The following AGO3 variants were observed in gnomAD, a reference collection of about 807,000 sequenced individuals.
AGO3 encodes argonaute RISC catalytic component 3.
Under a neutral mutation model 105.5 loss-of-function variants are expected in AGO3, and 16 were observed. The observed-to-expected ratio is 0.15, with a 90% CI of 0.10 to 0.23. The LOEUF (loss-of-function observed/expected upper bound fraction) is 0.23. Ranked by LOEUF, AGO3 falls within the 10% of genes least tolerant of loss-of-function variation. The probability of loss-of-function intolerance (pLI) is 1.00; values close to 1 mark genes in which losing one functional copy is unlikely to be tolerated. For synonymous variants in AGO3, 340 were observed against 367.3 expected (o/e 0.93, Z 0.85); for missense variants, 534 against 1,088.0 (o/e 0.49, Z 7.16).
Position 35,931,130 on chromosome 1 carries a change from G to C in AGO3, c.-297G>C. The C allele has an allele frequency of 2.5e-6, 1 of 396,618 alleles. No individual in the cohort carries two copies. Among genetic ancestry groups the C allele is most frequent in the Middle Eastern group, 6.4e-4 (1 of 1,574 alleles). The allele number at this position is 396,618 out of a possible 1,614,324, so 24.6% of individuals were successfully genotyped here. On this transcript the variant is annotated 5_prime_UTR_variant, in exon 1 of 19. Coordinates refer to ENST00000373191, the MANE Select transcript of AGO3 (RefSeq NM_024852.4). ...AGGTCGGCGGCGGCGGCCCGCAGTC[G>C]TGGAGGAGCGGTGGGAGCGTCGGCG...
In AGO3 at chr1:36,070,515, A is replaced by G. The variant is rs2148876777; in HGVS notation, c.*14770A>G. ...AGGGCACACCACTGCAGGGAGTGTA[A>G]ACAATTCTTTGTTGCAACAGACAAG... On this transcript the variant is annotated 3_prime_UTR_variant, in exon 19 of 19. Transcript: ENST00000373191. 1.3e-5 allele frequency: 2 copies of G among 152,318 alleles called. No individual in the cohort carries two copies. Among genetic ancestry groups the G allele is most frequent in the Admixed American group, 1.3e-4 (2 of 15,300 alleles). The allele number at this position is 152,318 out of a possible 1,614,324, so 9.4% of individuals were successfully genotyped here. A position where few individuals can be genotyped will look rare whatever the true frequency, so the allele number is the denominator to read the frequency against.
rs1446652494 is a variant in AGO3 at position 36,070,636 on chromosome 1, CT to C, written c.*14893del. 6.6e-6 allele frequency: 1 copy of C among 152,218 alleles called. No individual in the cohort carries two copies. Among genetic ancestry groups the C allele is most frequent in the Non-Finnish European group, 1.5e-5 (1 of 68,040 alleles). The allele number at this position is 152,218 out of a possible 1,614,324, so 9.4% of individuals were successfully genotyped here. A position where few individuals can be genotyped will look rare whatever the true frequency, so the allele number is the denominator to read the frequency against. ...TTATCTCCACAGATGCCAACCTCCC[CT>C]TGTTGCAGGCAGTTGGGCTTTTCCA... is the stretch of plus-strand genomic sequence containing the variant. On this transcript the variant is annotated 3_prime_UTR_variant, in exon 19 of 19. Coordinates refer to ENST00000373191, the MANE Select transcript of AGO3 (RefSeq NM_024852.4).
intron 6 of AGO3, among the ~76,000 whole-genome samples, chr1:36,007,082 A>G (rs1316767632): frequency 6.6e-6 from 1 of 152,232 alleles, no homozygotes; most frequent in African/African-American, 2.4e-5. Flanking sequence ...CTCAATAGAA[A>G]GCAGTAGCAT....
chr1:36,031,458 G>A (rs1641770703), intron 12 of AGO3, among the ~76,000 whole-genome samples: 1 of 148,200 alleles, frequency 6.7e-6, no homozygotes, highest in Non-Finnish European at 1.5e-5. Flanking sequence ...TTATTTGTTT[G>A]AGAAACTCTT....
chr1:35,934,831 T>C (rs1191019305), intron 1 of AGO3, among the ~76,000 whole-genome samples: 2 of 152,134 alleles, frequency 1.3e-5, no homozygotes, highest in East Asian at 3.9e-4. Flanking sequence ...TTTGTATTTT[T>C]AGTAGAGACG....
Position 35,931,310 on chromosome 1 carries a change from C to A in AGO3, c.-117C>A, listed in dbSNP as rs887683047. 93 of 968,558 alleles carry A rather than the reference C, an allele frequency of 9.6e-5. No homozygotes were observed. The African/African-American group carries it at 1.4e-3, about 14-fold the overall frequency. 60.0% of individuals were successfully genotyped at this position (968,558 alleles called of 1,614,324 possible). On this transcript the variant is annotated 5_prime_UTR_variant, in exon 1 of 19. Coordinates refer to ENST00000373191, the MANE Select transcript of AGO3 (RefSeq NM_024852.4). ...GCTCAGGGGAAGCCGTCGCCGCCCC[C>A]GCCTCGGGGCCGAGTGAGAGTGCCC...
At chr1:35,933,668 A>ATC in intron 1 of AGO3, among the ~76,000 whole-genome samples, 1 of 151,068 alleles carries the variant, frequency 6.6e-6, no homozygotes, top group Non-Finnish European at 1.5e-5. Flanking sequence ...AAAAAAAAAA[A>ATC]AAAATCATCA....
chr1:36,019,729 A>G (rs1326184838), intron 11 of AGO3, among the ~76,000 whole-genome samples: 1 of 152,068 alleles, frequency 6.6e-6, no homozygotes, highest in Non-Finnish European at 1.5e-5. Flanking sequence ...TTAGCAATTT[A>G]GAACAGTCAC....
Position 35,960,311 on chromosome 1 carries a change from G to C in AGO3, c.192-6644G>C, listed in dbSNP as rs1646650599. On this transcript the variant is annotated intron_variant, in intron 2 of 18. Transcript: ENST00000373191. ...AAGAAATGAGAATTTACTGTCCCTAGATTTGCCATTTTGTTAGCTTGCATA... is the reference window on the plus strand; with the variant it reads ...AAGAAATGAGAATTTACTGTCCCTACATTTGCCATTTTGTTAGCTTGCATA... Among the ~76,000 whole-genome samples the C allele has an allele frequency of 2.0e-5, 3 of 152,020 alleles. No individual in the cohort carries two copies. In the South Asian group the frequency reaches 6.2e-4, roughly 32 times the overall value.
upstream of AGO3, chr1:35,930,947 G>C (rs1336359653): frequency 9.9e-6 from 3 of 304,066 alleles, no homozygotes; most frequent in Non-Finnish European, 1.8e-5. Context: ...CCCGCCGCAT[G>C]TGGCCCGGCT....
At position 36,008,987 on chromosome 1, in the gene AGO3, G is replaced by A. The variant is rs144067198; in HGVS notation, c.972G>A (p.Pro324=). ...AGTATACTCTTCAGCTGAAGTACCC[G>A]CACCTTCCCTGTCTGCAAGTCGGGC... ...REKYTLQLKY[P]HLPCLQVGQE... is the part of the protein sequence containing the mutation. The change falls in exon 8 of 19, where the codon CCG becomes CCA. Residue 324 remains proline (P), a synonymous_variant. Coordinates refer to ENST00000373191, the MANE Select transcript of AGO3 (RefSeq NM_024852.4). The surrounding 1 kb of genome is among the most constrained non-coding windows in gnomAD (Gnocchi z 5.1). 1,268 of 1,608,532 alleles carry A rather than the reference G, an allele frequency of 7.9e-4. 2 individuals carry two copies. The highest frequency in any genetic ancestry group is 9.7e-4 in the Non-Finnish European group (1,147 of 1,177,664).
In AGO3 at chr1:35,997,633, G is replaced by A. The variant is rs148096174; in HGVS notation, c.659-6708G>A. Among the ~76,000 whole-genome samples the A allele has an allele frequency of 4.5e-4, 68 of 152,258 alleles. No individual in the cohort carries two copies. The East Asian group carries it at 0.012, about 26-fold the overall frequency. On this transcript the variant is annotated intron_variant, in intron 5 of 18. Transcript: ENST00000373191. ...GTATTAAAAGCATTTTCGCCTTAACGATATTTTCAAATTATGATGTGTTTA... is the reference window on the plus strand; with the variant it reads ...GTATTAAAAGCATTTTCGCCTTAACAATATTTTCAAATTATGATGTGTTTA...
At chr1:35,973,819 G>T (rs1480688600) in intron 5 of AGO3, among the ~76,000 whole-genome samples, 1 of 152,092 alleles carries the variant, frequency 6.6e-6, no homozygotes. Flanking sequence ...ATTTTATTAT[G>T]AAATATATAT....
rs905577503 is a variant in AGO3 at position 36,027,416 on chromosome 1, A to T, written c.1591+118A>T. On this transcript the variant is annotated intron_variant, in intron 12 of 18. Coordinates refer to ENST00000373191, the MANE Select transcript of AGO3 (RefSeq NM_024852.4). This position sits in a 1 kb window ranked among gnomAD's most constrained non-coding sequence, Gnocchi z 4.0. ...ATATATTTTATGATACAGTATTTAA[A>T]ACCATGTATTATTACTTGAAGACAA... is the stretch of plus-strand genomic sequence containing the variant. 1.0e-6 allele frequency: 1 copy of T among 992,822 alleles called. No homozygotes were observed. The highest frequency in any genetic ancestry group is 1.6e-5 in the African/African-American group (1 of 61,330). 61.5% of individuals were successfully genotyped at this position (992,822 alleles called of 1,614,324 possible). A position where few individuals can be genotyped will look rare whatever the true frequency, so the allele number is the denominator to read the frequency against.
At chr1:35,948,758 G>A (rs936786056) in intron 2 of AGO3, among the ~76,000 whole-genome samples, 13 of 151,884 alleles carry the variant, frequency 8.6e-5, no homozygotes, top group Non-Finnish European at 8.8e-5. Flanking sequence ...TTTAACTTAC[G>A]ATTCTTTTGA....
At chr1:35,945,913 A>G in intron 2 of AGO3, 50 bp downstream of exon 2, 1 of 1,534,048 alleles carries the variant, frequency 6.5e-7, no homozygotes, top group Non-Finnish European at 8.9e-7. Flanking sequence ...TTCCTTAGTA[A>G]TTATCCATGT....
intron 9 of AGO3, 82 bp downstream of exon 9, chr1:36,009,676 C>T (rs1640500484): frequency 2.2e-6 from 3 of 1,374,880 alleles, no homozygotes; most frequent in African/African-American, 1.5e-5. Context: ...CTTATCAACC[C>T]ATACCTTATG....
intron 1 of AGO3, among the ~76,000 whole-genome samples, chr1:35,936,792 G>T (rs568710736): frequency 1.1e-4 from 17 of 152,276 alleles, no homozygotes; most frequent in African/African-American, 3.8e-4. Flanking sequence ...GGCTGGTCTT[G>T]AATTCCTAGG....
intron 2 of AGO3, among the ~76,000 whole-genome samples, chr1:35,957,892 C>G (rs1271029485): frequency 6.6e-6 from 1 of 150,848 alleles, no homozygotes; most frequent in Non-Finnish European, 1.5e-5. Context: ...ATAGGGAGAC[C>G]CCTTCTGTAT....
Sources: gnomAD v4.1 joint callset for allele counts (sites outside exome capture counted in the v4.1 genomes callset) on GRCh38, gnomAD v4.1.1 for gene constraint, Gnocchi (gnomAD v3.1) non-coding constraint, MANE v1.5 for transcripts, NCBI Gene and HGNC (gene_info 2026-07-23, HGNC 2026-07-21) for gene names.